The following KRAS variants were observed in gnomAD, a reference collection of about 807,000 sequenced individuals.
KRAS encodes GTPase KRas.
A neutral mutation model predicts 21.0 loss-of-function variants in KRAS; 1 was observed. The ratio of observed to expected loss-of-function variants is 0.05; its 90% CI spans 0.02 to 0.23. The LOEUF is 0.23. KRAS is among the 10% of genes least tolerant of loss of function. The probability of loss-of-function intolerance (pLI) is 1.00; values close to 1 mark genes in which losing one functional copy is unlikely to be tolerated. For synonymous variants in KRAS, 67 were observed against 72.5 expected (o/e 0.92, Z 0.39); for missense variants, 107 against 221.8 (o/e 0.48, Z 3.29).
At chr12:25,242,710 C>T (rs1177309272) in intron 2 of KRAS, among the ~76,000 whole-genome samples, 4 of 152,118 alleles carry the variant, frequency 2.6e-5, no homozygotes, top group African/African-American at 9.7e-5. Flanking sequence ...GGTATACTTA[C>T]AAATCTGAAT....
intron 4 of KRAS, among the ~76,000 whole-genome samples, chr12:25,213,080 T>C (rs1309065333): frequency 6.6e-6 from 1 of 152,090 alleles, no homozygotes; most frequent in Non-Finnish European, 1.5e-5. Flanking sequence ...TAAATTTTTT[T>C]TTAAATTGTA....
At chr12:25,223,843 T>C (rs535171603) in intron 4 of KRAS, among the ~76,000 whole-genome samples, 1 of 152,316 alleles carries the variant, frequency 6.6e-6, no homozygotes, top group South Asian at 2.1e-4. Flanking sequence ...GAAGTTAATT[T>C]CTACAAAACT....
rs1288635940 is a variant in KRAS, at chr12:25,205,494, G to A, written c.*4301C>T. 4.6e-6 allele frequency: 1 copy of A among 215,952 alleles called. No homozygotes were observed. Among genetic ancestry groups the A allele is most frequent in the Non-Finnish European group, 9.3e-6 (1 of 107,324 alleles). The allele number at this position is 215,952 out of a possible 1,614,324, so 13.4% of individuals were successfully genotyped here. A position where few individuals can be genotyped will look rare whatever the true frequency, so the allele number is the denominator to read the frequency against. The stretch of plus-strand genomic sequence containing the variant: ...CAAAAGAAAGCACAATGTACAAAAT[G>A]TGCATGTTTCAGTTTACACTATACA... On this transcript the variant is annotated 3_prime_UTR_variant, in exon 5 of 5. Transcript: ENST00000311936.
chr12:25,224,447 A>T (rs1295042030), intron 4 of KRAS, among the ~76,000 whole-genome samples: 1 of 152,098 alleles, frequency 6.6e-6, no homozygotes, highest in Non-Finnish European at 1.5e-5. Flanking sequence ...CAAACAAAAA[A>T]TTTTAAATAT....
In KRAS at chr12:25,207,894, C is replaced by CA. The variant is rs1313890233; in HGVS notation, c.*1900dup. The CA allele has an allele frequency of 4.3e-6, 1 of 233,048 alleles. No homozygotes were observed. The highest frequency in any genetic ancestry group is 8.5e-6 in the Non-Finnish European group (1 of 118,026). 14.4% of individuals were successfully genotyped at this position (233,048 alleles called of 1,614,324 possible). ...TGGGAAAACTTCATGGAGATATCCACAGCAGCAGTAAATCTTATGGTTAGG... is the reference window on the plus strand; with the variant it reads ...TGGGAAAACTTCATGGAGATATCCACAAGCAGCAGTAAATCTTATGGTTAGG... On this transcript the variant is annotated 3_prime_UTR_variant, in exon 5 of 5. Coordinates refer to ENST00000311936, the MANE Select transcript of KRAS (RefSeq NM_004985.5).
At chr12:25,233,576 A>C (rs1216052788) in intron 2 of KRAS, among the ~76,000 whole-genome samples, 2 of 152,214 alleles carry the variant, frequency 1.3e-5, no homozygotes, top group Non-Finnish European at 2.9e-5. Context: ...TTCGGTCTTA[A>C]AAATAAAAAT....
chr12:25,229,572 T>C (rs1442885812), intron 2 of KRAS, among the ~76,000 whole-genome samples: 1 of 152,164 alleles, frequency 6.6e-6, no homozygotes, highest in African/African-American at 2.4e-5. Flanking sequence ...GATTTTCTTC[T>C]GACTTTTGGG....
chr12:25,220,726 A>T (rs1951310656), intron 4 of KRAS, among the ~76,000 whole-genome samples: 1 of 149,610 alleles, frequency 6.7e-6, no homozygotes, highest in African/African-American at 2.5e-5. Context: ...CGTCTCAAAA[A>T]AAAAAAAAAT....
At position 25,209,786 on chromosome 12, in the gene KRAS, A is replaced by G; in HGVS notation, c.*9T>C. ...CTAGTATGCCTTAAGAAAAAAGTAC[A>G]AATTGTATTTACATAATTACACACT... On this transcript the variant is annotated 3_prime_UTR_variant, in exon 5 of 5. Coordinates refer to ENST00000311936, the MANE Select transcript of KRAS (RefSeq NM_004985.5). 6.2e-7 allele frequency: 1 copy of G among 1,606,360 alleles called. No individual in the cohort carries two copies. Among genetic ancestry groups the G allele is most frequent in the Non-Finnish European group, 8.5e-7 (1 of 1,174,294 alleles).
intron 1 of KRAS, among the ~76,000 whole-genome samples, chr12:25,246,654 C>A (rs1395756650): frequency 6.6e-6 from 1 of 152,112 alleles, no homozygotes; most frequent in African/African-American, 2.4e-5. Context: ...CGGTGGCTCA[C>A]GCCTATAATC....
intron 2 of KRAS, among the ~76,000 whole-genome samples, chr12:25,228,007 T>C (rs1381780448): frequency 1.3e-5 from 2 of 152,140 alleles, no homozygotes. Flanking sequence ...CAGTGGAACA[T>C]TATTCAGCCA....
At chr12:25,245,701 C>T (rs888344596) in intron 1 of KRAS, among the ~76,000 whole-genome samples, 7 of 152,154 alleles carry the variant, frequency 4.6e-5, no homozygotes, top group African/African-American at 1.7e-4. Flanking sequence ...TGCTGTTCTG[C>T]GGCGGCTAAA....
In KRAS at chr12:25,206,529, T is replaced by C. The variant is rs1368016489; in HGVS notation, c.*3266A>G. ...CCATTCAAAGTTCACATAAAGGTAA[T>C]TAACCACTACCTTAAAAAAATGCCC... On this transcript the variant is annotated 3_prime_UTR_variant, in exon 5 of 5. Transcript: ENST00000311936. 6.0e-6 allele frequency: 1 copy of C among 165,344 alleles called. No homozygotes were observed. The highest frequency in any genetic ancestry group is 1.2e-5 in the Non-Finnish European group (1 of 81,002). 10.2% of individuals were successfully genotyped at this position (165,344 alleles called of 1,614,324 possible). A position where few individuals can be genotyped will look rare whatever the true frequency, so the allele number is the denominator to read the frequency against.
rs1359316508 is a variant in KRAS at position 25,206,903 on chromosome 12, G to A, written c.*2892C>T. 4 of 202,854 alleles carry A rather than the reference G, an allele frequency of 2.0e-5. No homozygotes were observed. Among genetic ancestry groups the A allele is most frequent in the African/African-American group, 4.6e-5 (2 of 43,632 alleles). 12.6% of individuals were successfully genotyped at this position (202,854 alleles called of 1,614,324 possible). On this transcript the variant is annotated 3_prime_UTR_variant, in exon 5 of 5. Transcript: ENST00000311936. ...ATACACCTTAATGTGTACAGTAATTGTCCTAAAAGAATCACAGTTATGCCA... is the reference window on the plus strand; with the variant it reads ...ATACACCTTAATGTGTACAGTAATTATCCTAAAAGAATCACAGTTATGCCA...
At position 25,238,248 on chromosome 12, in the gene KRAS, T is replaced by C. The variant is rs1021255462; in HGVS notation, c.111+7026A>G. On this transcript the variant is annotated intron_variant, in intron 2 of 4. Coordinates refer to ENST00000311936, the MANE Select transcript of KRAS (RefSeq NM_004985.5). ...TGAATGAACTCAAGGAAAATTTATATGACAAATTTTGAAAATAACGATATA... is the reference window on the plus strand; with the variant it reads ...TGAATGAACTCAAGGAAAATTTATACGACAAATTTTGAAAATAACGATATA... Among the ~76,000 whole-genome samples, 131 of 152,284 alleles carry C rather than the reference T, an allele frequency of 8.6e-4. 1 individual carries two copies. The highest frequency in any genetic ancestry group is 3.4e-3 in the Middle Eastern group (1 of 294).
At position 25,250,900 on chromosome 12, in the gene KRAS, G is replaced by A. The variant is rs1205861056; in HGVS notation, c.-161C>T. The A allele has an allele frequency of 8.1e-6, 2 of 248,092 alleles. No homozygotes were observed. Among genetic ancestry groups the A allele is most frequent in the Non-Finnish European group, 1.5e-5 (2 of 131,520 alleles). The allele number at this position is 248,092 out of a possible 1,614,324, so 15.4% of individuals were successfully genotyped here. ...CGCCGCCGCCACTGCCGCCGCCGCT[G>A]CTGCCTCCGCCGCCGCGGCCGCCGC... On this transcript the variant is annotated 5_prime_UTR_variant, in exon 1 of 5. Transcript: ENST00000311936.
chr12:25,225,457 G>T (rs1488328960), intron 4 of KRAS, 157 bp downstream of exon 4: 1 of 724,456 alleles, frequency 1.4e-6, no homozygotes, highest in Admixed American at 2.3e-5. Context: ...ATGGACACTG[G>T]ATTAAGAAGC....
At chr12:25,235,707 T>TA (rs1244067962) in intron 2 of KRAS, among the ~76,000 whole-genome samples, 2 of 152,026 alleles carry the variant, frequency 1.3e-5, no homozygotes. Context: ...AAACAGAATG[T>TA]AAAAAACATA....
intron 2 of KRAS, among the ~76,000 whole-genome samples, chr12:25,230,782 C>A (rs1036537675): frequency 7.8e-6 from 1 of 127,574 alleles, no homozygotes; most frequent in African/African-American, 2.6e-5. Context: ...ATTTTCCAAA[C>A]CATCTGTAAT....
Sources: gnomAD v4.1 joint callset for allele counts (sites outside exome capture counted in the v4.1 genomes callset) on GRCh38, gnomAD v4.1.1 for gene constraint, MANE v1.5 for transcripts, NCBI Gene and HGNC (gene_info 2026-07-23, HGNC 2026-07-21) for gene names.